Variants in DHRSX observed in about 807,000 individuals in gnomAD.
The protein encoded by DHRSX is dehydrogenase/reductase X-linked, also known as polyprenol dehydrogenase.
Under a neutral mutation model 34.0 loss-of-function variants are expected in DHRSX, and 31 were observed. The observed-to-expected ratio is 0.91, with a 90% CI of 0.69 to 1.23. DHRSX has a LOEUF of 1.23. Among genes scored for constraint, DHRSX ranks in the 50% most tolerant of loss-of-function variants. The probability of loss-of-function intolerance (pLI) is 0.00; values close to 1 mark genes in which losing one functional copy is unlikely to be tolerated. For synonymous variants in DHRSX, 201 were observed against 183.8 expected (o/e 1.09, Z -0.76); for missense variants, 414 against 428.1 (o/e 0.97, Z 0.29).
chrX:2,236,024 A>G (rs1412643079), intron 6 of DHRSX, among the ~76,000 whole-genome samples: 2 of 152,038 alleles, frequency 1.3e-5, no homozygotes, highest in Non-Finnish European at 2.9e-5. Context: ...AGGCAGGAGA[A>G]TCGCTTGAAC....
chrX:2,498,330 A>T (rs142457891), intron 1 of DHRSX, among the ~76,000 whole-genome samples: 5,723 of 152,322 alleles, frequency 0.038, 144 homozygotes, highest in Middle Eastern at 0.12. Context: ...GACAAAGTTC[A>T]ATGTTTCCTC....
chrX:2,356,826 C>G (rs1214134233), intron 3 of DHRSX, among the ~76,000 whole-genome samples: 7 of 152,124 alleles, frequency 4.6e-5, no homozygotes, highest in Non-Finnish European at 8.8e-5. Context: ...TTACTTTAGT[C>G]TAAGCATAAA....
intron 1 of DHRSX, among the ~76,000 whole-genome samples, chrX:2,446,234 A>C (rs1259903901): frequency 3.3e-5 from 5 of 151,962 alleles, no homozygotes; most frequent in Non-Finnish European, 7.4e-5. Context: ...TTCCCTAAGA[A>C]TGTGGCCAAG....
chrX:2,240,405 C>T (rs146482265), intron 6 of DHRSX, among the ~76,000 whole-genome samples: 2,505 of 151,746 alleles, frequency 0.017, 55 homozygotes, highest in African/African-American at 0.054. Flanking sequence ...GTAATTAATC[C>T]CCTCAAAAAG....
At chrX:2,372,737 T>G (rs187187481) in intron 3 of DHRSX, among the ~76,000 whole-genome samples, 62 of 151,706 alleles carry the variant, frequency 4.1e-4, no homozygotes, top group African/African-American at 1.5e-3. Context: ...GCCTCCCGAG[T>G]AGCTGGGATT....
At chrX:2,253,874 CAG>C (rs2016499420) in intron 5 of DHRSX, among the ~76,000 whole-genome samples, 1 of 152,124 alleles carries the variant, frequency 6.6e-6, no homozygotes, top group African/African-American at 2.4e-5. Flanking sequence ...TCCTGGCTAA[CAG>C]GGTGAAACCC....
At chrX:2,348,932 G>A (rs1288591258) in intron 3 of DHRSX, among the ~76,000 whole-genome samples, 1 of 151,960 alleles carries the variant, frequency 6.6e-6, no homozygotes, top group East Asian at 1.9e-4. Flanking sequence ...GACCTCAGGT[G>A]CTCCGCTTGC....
At chrX:2,403,542 T>G (rs1021201019) in intron 3 of DHRSX, among the ~76,000 whole-genome samples, 1 of 152,134 alleles carries the variant, frequency 6.6e-6, no homozygotes, top group Admixed American at 6.5e-5. Flanking sequence ...TACACAAACT[T>G]TTCCAAGAAA....
intron 3 of DHRSX, among the ~76,000 whole-genome samples, chrX:2,327,309 C>G (rs935448532): frequency 6.6e-6 from 1 of 152,220 alleles, no homozygotes; most frequent in Non-Finnish European, 1.5e-5. Context: ...GGAAGCCTGA[C>G]TGTGGACATG....
chrX:2,460,881 C>T (rs921976621), intron 1 of DHRSX, among the ~76,000 whole-genome samples: 1 of 152,014 alleles, frequency 6.6e-6, no homozygotes, highest in Admixed American at 6.6e-5. Flanking sequence ...CCACACCCAG[C>T]CTATTTTTAT....
At chrX:2,265,559 C>T (rs1283651893) in intron 5 of DHRSX, among the ~76,000 whole-genome samples, 19 of 104,612 alleles carry the variant, frequency 1.8e-4, no homozygotes, top group Middle Eastern at 5.7e-3. Context: ...AGCACCAGTG[C>T]TCAGCAGATG....
At chrX:2,341,694 C>G (rs2042642379) in intron 3 of DHRSX, among the ~76,000 whole-genome samples, 1 of 38,676 alleles carries the variant, frequency 2.6e-5, no homozygotes, top group Admixed American at 2.3e-4. Flanking sequence ...ATAGAGGCAC[C>G]ATTCAATCCA....
intron 3 of DHRSX, among the ~76,000 whole-genome samples, chrX:2,293,900 C>A (rs751636264): frequency 2.0e-5 from 3 of 152,088 alleles, no homozygotes; most frequent in African/African-American, 4.8e-5. Context: ...GACAGACACA[C>A]CTTGCTTAAT....
intron 3 of DHRSX, among the ~76,000 whole-genome samples, chrX:2,326,537 A>C (rs918274773): frequency 6.6e-6 from 1 of 152,080 alleles, no homozygotes; most frequent in African/African-American, 2.4e-5. Context: ...AACAACAACA[A>C]CAGAAAAACT....
chrX:2,345,226 A>C (rs2124566548), intron 3 of DHRSX, among the ~76,000 whole-genome samples: 1 of 152,104 alleles, frequency 6.6e-6, no homozygotes, highest in African/African-American at 2.4e-5. Flanking sequence ...CACATATGTG[A>C]TTAAATGTTC....
intron 1 of DHRSX, among the ~76,000 whole-genome samples, chrX:2,438,034 G>A (rs1244156958): frequency 3.3e-5 from 5 of 151,184 alleles, no homozygotes; most frequent in Non-Finnish European, 5.9e-5. Context: ...AATTCTGGCC[G>A]GGCGCGGTGG....
chrX:2,342,445 G>A (rs1261659031), intron 3 of DHRSX, among the ~76,000 whole-genome samples: 1 of 152,048 alleles, frequency 6.6e-6, no homozygotes, highest in Non-Finnish European at 1.5e-5. Flanking sequence ...GCAGGACGGT[G>A]ACCATGAGTT....
intron 3 of DHRSX, among the ~76,000 whole-genome samples, chrX:2,335,184 CAAAAAAAAAA>C (rs34503888): frequency 8.6e-6 from 1 of 116,580 alleles, no homozygotes; most frequent in Non-Finnish European, 1.7e-5. Flanking sequence ...GACTCCATCT[CAAAAAAAAAA>C]AAAAAGAAAA....
At chrX:2,383,733 C>T (rs1460681798) in intron 3 of DHRSX, among the ~76,000 whole-genome samples, 1 of 152,148 alleles carries the variant, frequency 6.6e-6, no homozygotes, top group Non-Finnish European at 1.5e-5. Flanking sequence ...GTGAGGTTGG[C>T]GATAGAAGGG....
Sources: gnomAD v4.1 joint callset for allele counts (sites outside exome capture counted in the v4.1 genomes callset) on GRCh38, gnomAD v4.1.1 for gene constraint, MANE v1.5 for transcripts, NCBI Gene and HGNC (gene_info 2026-07-23, HGNC 2026-07-21) for gene names.